Variants in MYH15 observed in about 807,000 individuals in gnomAD.
The protein encoded by MYH15 is myosin-15.
In MYH15, 227 loss-of-function variants were observed where a neutral mutation model predicts 240.5. The observed-to-expected ratio is 0.94, with a 90% CI of 0.85 to 1.05. MYH15 has a LOEUF of 1.05. Ranked by LOEUF, MYH15 falls within the 50% of genes least tolerant of loss-of-function variation. The pLI is 0.00. For missense variants in MYH15, 2,217 were observed against 2,247.5 expected, an observed-to-expected ratio of 0.99 and a Z score of 0.27; for synonymous variants, 785 against 796.7, an observed-to-expected ratio of 0.99 and a Z score of 0.25.
Position 108,430,100 on chromosome 3 carries a change from A to T in MYH15, c.3312+732T>A, listed in dbSNP as rs1158069247. ...ATATGATAACCACTTGGAGATTAAT[A>T]GTGTGTCTGAAACTAAAATGTTTAC... On this transcript the variant is annotated intron_variant, in intron 26 of 40. Coordinates refer to ENST00000693548, the MANE Select transcript of MYH15 (RefSeq NM_014981.3). Among the ~76,000 whole-genome samples the T allele has an allele frequency of 2.0e-5, 3 of 152,306 alleles. No individual in the cohort carries two copies. The East Asian group carries it at 5.8e-4, about 29-fold the overall frequency.
At position 108,384,736 on chromosome 3, in the gene MYH15, T is replaced by C. The variant is rs2082368657; in HGVS notation, c.5582A>G (p.Asp1861Gly). ...ATTTTGCACTTTTAGCTGAAGTTTA[T>C]CCATCTGAGTTTGCATCCTGCTCAG... ...KNLSRMQTQM[D>G]KLQLKVQNYK... Residue 1861 changes from aspartate (D) to glycine (G), a missense_variant, in exon 39 of 41, where the codon GAT (aspartate) becomes GGT (glycine). By Grantham distance (94) the Asp-to-Gly change is moderately conservative (BLOSUM62 -1). Transcript: ENST00000693548. 6.2e-7 allele frequency: 1 copy of C among 1,613,940 alleles called. No homozygotes were observed. Among genetic ancestry groups the C allele is most frequent in the Non-Finnish European group, 8.5e-7 (1 of 1,179,884 alleles).
chr3:108,437,084 A>G (rs74861509), intron 25 of MYH15, among the ~76,000 whole-genome samples: 137 of 152,212 alleles, frequency 9.0e-4, no homozygotes, highest in Admixed American at 2.7e-3. Context: ...ATATTTATAT[A>G]GTAAATTATT....
the MYH15 span, among the ~76,000 whole-genome samples, chr3:108,541,792 ATAT>A: frequency 6.6e-6 from 1 of 152,180 alleles, no homozygotes; most frequent in African/African-American, 2.4e-5. Context: ...GATCAATGAA[ATAT>A]TATGAAACTG....
At position 108,460,343 on chromosome 3, in the gene MYH15, C is replaced by T. The variant is rs767277272; in HGVS notation, c.1889G>A (p.Arg630Gln). ...DSAIPFGEKKRKKGASFQTVA... is the reference protein window; with the variant it reads ...DSAIPFGEKKQKKGASFQTVA... ...CGTTTGGAATGAAGCTCCTTTCTTT[C>T]GTTTCTTCTCCCCAAATGGTATAGC... Residue 630 changes from arginine to glutamine, a missense_variant, in exon 17 of 41, where the codon CGA becomes CAA. Coordinates refer to ENST00000693548, the MANE Select transcript of MYH15 (RefSeq NM_014981.3). 45 of 1,597,994 alleles carry T rather than the reference C, an allele frequency of 2.8e-5. No homozygotes were observed. The highest frequency in any genetic ancestry group is 1.1e-4 in the South Asian group (10 of 87,970).
chr3:108,438,921 A>G (rs376231293), intron 24 of MYH15, among the ~76,000 whole-genome samples: 2 of 152,158 alleles, frequency 1.3e-5, no homozygotes, highest in African/African-American at 4.8e-5. Flanking sequence ...GCACACATAT[A>G]AACACCCAAA....
chr3:108,441,545 C>G (rs745312861), intron 22 of MYH15, among the ~76,000 whole-genome samples: 10 of 152,292 alleles, frequency 6.6e-5, no homozygotes, highest in South Asian at 2.1e-4. Context: ...CCTAAAGGAG[C>G]TAGCATGCCT....
the MYH15 span, among the ~76,000 whole-genome samples, chr3:108,545,814 C>T: frequency 2.6e-5 from 4 of 151,906 alleles, no homozygotes; most frequent in Middle Eastern, 6.8e-3. Flanking sequence ...CTTCCCAATA[C>T]CTATTATATA....
chr3:108,422,295 G>C (rs902454979), intron 27 of MYH15, among the ~76,000 whole-genome samples: 1 of 149,226 alleles, frequency 6.7e-6, no homozygotes, highest in Non-Finnish European at 1.5e-5. Flanking sequence ...TTGGCTCACT[G>C]TAACCTCCAC....
chr3:108,453,980 T>C (rs1560382235), intron 21 of MYH15, 26 bp downstream of exon 21: 1 of 1,601,860 alleles, frequency 6.2e-7, no homozygotes, highest in Non-Finnish European at 8.5e-7. Flanking sequence ...CCCTAGCAGT[T>C]GGGGAGCAGG....
At chr3:108,475,549 A>C (rs953431812) in intron 12 of MYH15, among the ~76,000 whole-genome samples, 1 of 152,174 alleles carries the variant, frequency 6.6e-6, no homozygotes, top group African/African-American at 2.4e-5. Flanking sequence ...TCTGCAAATG[A>C]TCTTTTCTCC....
Position 108,491,698 on chromosome 3 carries a change from G to A in MYH15, c.871+802C>T, listed in dbSNP as rs553888524. Among the ~76,000 whole-genome samples the A allele has an allele frequency of 2.2e-4, 33 of 151,980 alleles. No individual in the cohort carries two copies. The South Asian group carries it at 5.6e-3, about 26-fold the overall frequency. ...CAATAAATCATGACCTCCTATTGCC[G>A]CACCCCCCACAACACACTTGCTCTG... On this transcript the variant is annotated intron_variant, in intron 9 of 40. Transcript: ENST00000693548.
chr3:108,548,196 C>A, the MYH15 span, among the ~76,000 whole-genome samples: 4 of 151,926 alleles, frequency 2.6e-5, no homozygotes, highest in Non-Finnish European at 5.9e-5. Context: ...CTTATTTTGT[C>A]AAAATTGATA....
intron 10 of MYH15, among the ~76,000 whole-genome samples, chr3:108,485,455 A>G (rs1318603049): frequency 2.0e-5 from 3 of 152,198 alleles, no homozygotes; most frequent in East Asian, 1.9e-4. Context: ...TTAGTTCCCA[A>G]TAGTTTTAGA....
the MYH15 span, among the ~76,000 whole-genome samples, chr3:108,536,314 A>C: frequency 6.6e-6 from 1 of 152,164 alleles, no homozygotes; most frequent in Non-Finnish European, 1.5e-5. Context: ...TAAGACAGAA[A>C]GGAGGAGGAA....
In MYH15 at chr3:108,481,166, G is replaced by T. The variant is rs181903908; in HGVS notation, c.1114+3925C>A. ...CAAAAAGATGTTCACATATAATTTG[G>T]TAAAAAAATACTAGGCTGAAACAAC... On this transcript the variant is annotated intron_variant, in intron 11 of 40. Coordinates refer to ENST00000693548, the MANE Select transcript of MYH15 (RefSeq NM_014981.3). Among the ~76,000 whole-genome samples the T allele has an allele frequency of 1.1e-4, 17 of 152,202 alleles. No individual in the cohort carries two copies. The East Asian group carries it at 3.3e-3, about 29-fold the overall frequency.
At chr3:108,414,460 T>C in intron 29 of MYH15, 32 bp from the exon 30 acceptor site, 2 of 1,576,294 alleles carry the variant, frequency 1.3e-6, no homozygotes, top group South Asian at 2.3e-5. Context: ...AAAAAGGTCA[T>C]GACCACCATG....
intron 10 of MYH15, 136 bp downstream of exon 10, chr3:108,486,287 T>C (rs1395123445): frequency 6.9e-5 from 36 of 522,304 alleles, no homozygotes; most frequent in Non-Finnish European, 2.7e-5. Context: ...ATAAGTAAAC[T>C]TTGGACAGAA....
At chr3:108,413,373 C>A (rs1269677923) in intron 30 of MYH15, among the ~76,000 whole-genome samples, 1 of 152,190 alleles carries the variant, frequency 6.6e-6, no homozygotes, top group South Asian at 2.1e-4. Context: ...TCAGCAATTG[C>A]ACAGCAATGC....
At position 108,464,909 on chromosome 3, in the gene MYH15, T is replaced by C. The variant is rs530927650; in HGVS notation, c.1555-95A>G. On this transcript the variant is annotated intron_variant, in intron 14 of 40. Transcript: ENST00000693548. ...AATTCTTTCCCAGGAACCTAATCAG[T>C]TGACAAAGGGAAGAATATTCACTGC... 1.8e-5 allele frequency: 20 copies of C among 1,093,474 alleles called. No homozygotes were observed. The African/African-American group carries it at 2.4e-4, about 13-fold the overall frequency. 67.7% of individuals were successfully genotyped at this position (1,093,474 alleles called of 1,614,324 possible).
Sources: allele counts gnomAD v4.1 joint callset (sites outside exome capture counted in the v4.1 genomes callset), GRCh38; gene constraint gnomAD v4.1.1; transcripts MANE v1.5; gene names NCBI Gene and HGNC (gene_info 2026-07-23, HGNC 2026-07-21).